The following DDC variants were observed in gnomAD, a reference collection of about 807,000 sequenced individuals.
The protein encoded by DDC is dopa decarboxylase.
Under a neutral mutation model 60.0 loss-of-function variants are expected in DDC, and 43 were observed. That is an observed-to-expected ratio of 0.72 (90% CI 0.56 to 0.92). The LOEUF is 0.92. Among genes scored for constraint, DDC ranks in the 40% least tolerant of loss-of-function variants. The probability of loss-of-function intolerance (pLI) is 0.00; values close to 1 mark genes in which losing one functional copy is unlikely to be tolerated. For synonymous variants in DDC, 232 were observed against 234.6 expected, an observed-to-expected ratio of 0.99 and a Z score of 0.10; for missense variants, 573 against 620.2, an observed-to-expected ratio of 0.92 and a Z score of 0.81.
chr7:50,548,057 C>T (rs2044863935), intron 1 of DDC, among the ~76,000 whole-genome samples: 1 of 152,148 alleles, frequency 6.6e-6, no homozygotes. Context: ...TTTGATGTTA[C>T]TATTGTAATT....
intron 3 of DDC, among the ~76,000 whole-genome samples, chr7:50,538,600 G>C (rs2044499464): frequency 6.6e-6 from 1 of 152,196 alleles, no homozygotes; most frequent in Admixed American, 6.5e-5. Flanking sequence ...CATCCTGCTG[G>C]GTTCTACCTG....
chr7:50,532,931 T>C (rs1376234752), intron 4 of DDC, among the ~76,000 whole-genome samples: 3 of 152,232 alleles, frequency 2.0e-5, no homozygotes, highest in Admixed American at 6.5e-5. Context: ...AGGAAGGTGA[T>C]CATCTTGGAA....
intron 1 of DDC, among the ~76,000 whole-genome samples, chr7:50,560,129 G>C (rs994053787): frequency 6.6e-6 from 1 of 152,112 alleles, no homozygotes; most frequent in African/African-American, 2.4e-5. Flanking sequence ...GCAGGACTCC[G>C]GTGCCCCCAG....
At chr7:50,540,382 G>A (rs1426574883) in intron 2 of DDC, among the ~76,000 whole-genome samples, 1 of 152,008 alleles carries the variant, frequency 6.6e-6, no homozygotes, top group Non-Finnish European at 1.5e-5. Context: ...TTCTTGCTCC[G>A]GTGCTCTCGT....
chr7:50,535,926 T>A (rs1215459474), intron 4 of DDC, among the ~76,000 whole-genome samples: 1 of 152,160 alleles, frequency 6.6e-6, no homozygotes, highest in Non-Finnish European at 1.5e-5. Flanking sequence ...TCCGATCTTA[T>A]ATGTGGTCAC....
intron 8 of DDC, among the ~76,000 whole-genome samples, chr7:50,496,056 T>C (rs528576175): frequency 5.7e-4 from 86 of 152,208 alleles, no homozygotes; most frequent in African/African-American, 1.9e-3. Flanking sequence ...TGCTGTAACA[T>C]ATCAACAATT....
chr7:50,509,520 A>G (rs1415884743), intron 6 of DDC, among the ~76,000 whole-genome samples: 2 of 152,190 alleles, frequency 1.3e-5, no homozygotes, highest in Non-Finnish European at 2.9e-5. Context: ...TTTCCTTCAC[A>G]GGCAAACTTC....
chr7:50,519,822 T>G (rs916656229), intron 6 of DDC, among the ~76,000 whole-genome samples: 2 of 152,072 alleles, frequency 1.3e-5, no homozygotes, highest in African/African-American at 4.8e-5. Flanking sequence ...CACCAAAATC[T>G]CACAAATCAC....
At chr7:50,460,376 C>G (rs185767624) in intron 14 of DDC, among the ~76,000 whole-genome samples, 1,565 of 138,798 alleles carry the variant, frequency 0.011, 92 homozygotes, top group African/African-American at 0.042. Context: ...GTCAGCCCCC[C>G]GCCCGGCCAG....
intron 6 of DDC, among the ~76,000 whole-genome samples, chr7:50,522,856 T>A (rs1045537200): frequency 5.3e-5 from 8 of 152,152 alleles, no homozygotes; most frequent in Admixed American, 3.9e-4. Context: ...AAACTTACAA[T>A]CATGGCAGAA....
chr7:50,493,102 G>T, intron 9 of DDC: 1 of 988,758 alleles, frequency 1.0e-6, no homozygotes, highest in Non-Finnish European at 1.5e-6. Flanking sequence ...GTCCCTGACC[G>T]CTTCAGTTTC....
At position 50,479,793 on chromosome 7, in the gene DDC, C is replaced by T; in HGVS notation, c.1015G>A (p.Asp339Asn). Reference sequence around the variant, plus strand: ...AAGCAGGCTCACAGCTTACCTGAATCCTGATGGCTGTGCTTCAGGTAAGTG... The same window carrying T: ...AAGCAGGCTCACAGCTTACCTGAATTCTGATGGCTGTGCTTCAGGTAAGTG... ...DPTYLKHSHQ[D>N]SGLITDYRHW... The change falls in exon 10 of 15, where the codon GAT becomes AAT. Residue 339 changes from aspartate (D) to asparagine (N), a missense_variant. Asp to Asn is a conservative substitution (Grantham distance 23). Transcript: ENST00000444124. 1 of 1,613,622 alleles carries T rather than the reference C, an allele frequency of 6.2e-7. No homozygotes were observed. Among genetic ancestry groups the T allele is most frequent in the Non-Finnish European group, 8.5e-7 (1 of 1,179,932 alleles).
intron 11 of DDC, among the ~76,000 whole-genome samples, chr7:50,473,263 G>A (rs2042571918): frequency 6.6e-6 from 1 of 152,174 alleles, no homozygotes; most frequent in Admixed American, 6.5e-5. Flanking sequence ...GCTGAGAGGT[G>A]CCCTGGGGGC....
At chr7:50,556,055 C>A (rs542847449) in intron 1 of DDC, among the ~76,000 whole-genome samples, 7 of 152,188 alleles carry the variant, frequency 4.6e-5, no homozygotes, top group Admixed American at 3.9e-4. Context: ...ACAGGGGCAC[C>A]GCAGCTTCCA....
chr7:50,551,178 T>C (rs4947644), intron 1 of DDC, among the ~76,000 whole-genome samples: 65,607 of 151,606 alleles, frequency 0.43, 15,036 homozygotes, highest in Admixed American at 0.54. Flanking sequence ...ATACAATCAC[T>C]GGGCTTGAAT....
chr7:50,468,501 T>C (rs1216885079), intron 12 of DDC, among the ~76,000 whole-genome samples: 1 of 152,154 alleles, frequency 6.6e-6, no homozygotes, highest in South Asian at 2.1e-4. Flanking sequence ...TTCATATACA[T>C]ACTCCTTTCC....
chr7:50,520,258 A>G (rs562692364), intron 6 of DDC, among the ~76,000 whole-genome samples: 1 of 152,360 alleles, frequency 6.6e-6, no homozygotes, highest in Non-Finnish European at 1.5e-5. Context: ...ACATTCACCA[A>G]GATATACCAC....
At chr7:50,529,672 T>C (rs1224820553) in intron 4 of DDC, among the ~76,000 whole-genome samples, 2 of 152,190 alleles carry the variant, frequency 1.3e-5, no homozygotes, top group Non-Finnish European at 2.9e-5. Context: ...CTCCTGTCTC[T>C]ATCAGAGGAG....
chr7:50,461,427 A>G (rs1466662056), intron 14 of DDC, among the ~76,000 whole-genome samples: 32 of 152,236 alleles, frequency 2.1e-4, no homozygotes, highest in Admixed American at 2.1e-3. Flanking sequence ...AGGACTTACT[A>G]TTGTATCACA....
Sources: gnomAD v4.1 joint callset for allele counts (sites outside exome capture counted in the v4.1 genomes callset) on GRCh38, gnomAD v4.1.1 for gene constraint, MANE v1.5 for transcripts, NCBI Gene and HGNC (gene_info 2026-07-23, HGNC 2026-07-21) for gene names.